Variants in FGF2 observed in about 807,000 individuals in gnomAD.
FGF2 encodes the protein fibroblast growth factor 2, also known as basic fibroblast growth factor bFGF.
A neutral mutation model predicts 15.9 loss-of-function variants in FGF2; 13 were observed. That is an observed-to-expected ratio of 0.82 (90% CI 0.53 to 1.30). The LOEUF (loss-of-function observed/expected upper bound fraction) is 1.30. Among genes scored for constraint, FGF2 ranks in the 50% most tolerant of loss-of-function variants. The pLI, the probability that FGF2 is intolerant of heterozygous loss-of-function variation, is 0.00. For missense variants in FGF2, 163 were observed against 196.9 expected, an observed-to-expected ratio of 0.83 and a Z score of 1.03; for synonymous variants, 90 against 78.4, an observed-to-expected ratio of 1.15 and a Z score of -0.78.
chr4:122,846,035 C>T (rs904184334), intron 1 of FGF2, among the ~76,000 whole-genome samples: 1 of 152,186 alleles, frequency 6.6e-6, no homozygotes, highest in Non-Finnish European at 1.5e-5. Context: ...CACTTGAACA[C>T]TGAGAGGCCA....
At chr4:122,887,184 C>T (rs1482165074) in intron 2 of FGF2, among the ~76,000 whole-genome samples, 9 of 152,050 alleles carry the variant, frequency 5.9e-5, no homozygotes, top group South Asian at 2.1e-4. Context: ...TGTGGTGGTG[C>T]GCACCTGTAA....
intron 1 of FGF2, among the ~76,000 whole-genome samples, chr4:122,847,033 G>A (rs745926778): frequency 2.3e-4 from 35 of 152,166 alleles, no homozygotes; most frequent in Admixed American, 1.0e-3. Context: ...CTGCCCCTTG[G>A]CTTATTTCTT....
chr4:122,829,243 TCTTA>T (rs1387499565), intron 1 of FGF2, among the ~76,000 whole-genome samples: 3 of 152,210 alleles, frequency 2.0e-5, no homozygotes, highest in African/African-American at 7.2e-5. Context: ...ATTTTTGTAA[TCTTA>T]CTTTAACTCT....
intron 1 of FGF2, among the ~76,000 whole-genome samples, chr4:122,868,588 C>T (rs531622840): frequency 3.3e-5 from 5 of 152,132 alleles, no homozygotes; most frequent in Non-Finnish European, 7.4e-5. Flanking sequence ...CACACATGTG[C>T]ATGTGTCTTT....
intron 1 of FGF2, among the ~76,000 whole-genome samples, chr4:122,836,054 G>A (rs1725859606): frequency 6.6e-6 from 1 of 152,126 alleles, no homozygotes. Flanking sequence ...GAGAATTAAT[G>A]GTTTTTACTG....
intron 1 of FGF2, among the ~76,000 whole-genome samples, chr4:122,851,654 T>C (rs760834465): frequency 1.2e-4 from 19 of 152,240 alleles, no homozygotes; most frequent in Non-Finnish European, 2.2e-4. Context: ...ATTGATTTCT[T>C]AGCTAGAATG....
At chr4:122,862,247 C>A (rs771912888) in intron 1 of FGF2, among the ~76,000 whole-genome samples, 1 of 152,176 alleles carries the variant, frequency 6.6e-6, no homozygotes, top group Non-Finnish European at 1.5e-5. Context: ...CATATTCTTT[C>A]ACCAGGGACA....
intron 1 of FGF2, among the ~76,000 whole-genome samples, chr4:122,869,894 AG>A (rs1726694684): frequency 6.6e-6 from 1 of 152,132 alleles, no homozygotes; most frequent in Non-Finnish European, 1.5e-5. Context: ...GTGGTGAGAG[AG>A]GCATCCTTGC....
At chr4:122,850,617 G>GA (rs1222551259) in intron 1 of FGF2, among the ~76,000 whole-genome samples, 1 of 151,916 alleles carries the variant, frequency 6.6e-6, no homozygotes, top group Admixed American at 6.6e-5. Flanking sequence ...GGAAGAAAGA[G>GA]AAAAAAACAA....
intron 1 of FGF2, among the ~76,000 whole-genome samples, chr4:122,857,800 G>A (rs1007530196): frequency 2.6e-5 from 4 of 152,190 alleles, no homozygotes; most frequent in African/African-American, 9.6e-5. Context: ...GTATGGCTTA[G>A]AAGTAAAATT....
rs769196837 is a variant in FGF2, at chr4:122,892,861, T to C, written c.*465T>C. ...TTCCTTTCATAGTTTTATAATTCTC[T>C]GGCAGTTCCTTATGATAGAGTTTAT... On this transcript the variant is annotated 3_prime_UTR_variant, in exon 3 of 3. Coordinates refer to ENST00000644866, the MANE Select transcript of FGF2 (RefSeq NM_001361665.2). 1.9e-6 allele frequency: 3 copies of C among 1,607,962 alleles called. No individual in the cohort carries two copies. Among genetic ancestry groups the C allele is most frequent in the Admixed American group, 3.4e-5 (2 of 59,368 alleles).
At chr4:122,872,916 A>G (rs549795083) in intron 1 of FGF2, among the ~76,000 whole-genome samples, 1 of 152,356 alleles carries the variant, frequency 6.6e-6, no homozygotes, top group East Asian at 1.9e-4. Flanking sequence ...AGTCACTGCA[A>G]AAAACACACC....
At chr4:122,866,904 G>A (rs182564512) in intron 1 of FGF2, among the ~76,000 whole-genome samples, 6 of 152,274 alleles carry the variant, frequency 3.9e-5, no homozygotes, top group African/African-American at 9.6e-5. Flanking sequence ...CGTTATTTAC[G>A]TAGCCAAAAA....
intron 2 of FGF2, among the ~76,000 whole-genome samples, chr4:122,878,904 G>T (rs942403446): frequency 2.6e-5 from 4 of 152,168 alleles, no homozygotes; most frequent in African/African-American, 9.7e-5. Flanking sequence ...CAAGGTTTGG[G>T]AAAAGGTAGT....
At chr4:122,841,448 A>G (rs917700588) in intron 1 of FGF2, among the ~76,000 whole-genome samples, 5 of 152,236 alleles carry the variant, frequency 3.3e-5, no homozygotes, top group African/African-American at 9.6e-5. Flanking sequence ...CAGAAACTGT[A>G]TAATATTGTC....
At chr4:122,855,964 A>G (rs1306227515) in intron 1 of FGF2, among the ~76,000 whole-genome samples, 1 of 152,142 alleles carries the variant, frequency 6.6e-6, no homozygotes, top group Non-Finnish European at 1.5e-5. Context: ...TTACTCAGAG[A>G]CTATGAAGAA....
At chr4:122,867,063 G>A (rs549260671) in intron 1 of FGF2, among the ~76,000 whole-genome samples, 3 of 152,212 alleles carry the variant, frequency 2.0e-5, no homozygotes, top group Non-Finnish European at 4.4e-5. Flanking sequence ...CTGAGTGAAA[G>A]AGGCAGTCAC....
chr4:122,831,935 A>C (rs1725773235), intron 1 of FGF2, among the ~76,000 whole-genome samples: 1 of 152,240 alleles, frequency 6.6e-6, no homozygotes, highest in South Asian at 2.1e-4. Context: ...CGGTTCTTTA[A>C]ATATCATAAG....
chr4:122,892,799 T>C lies in FGF2; in HGVS notation c.*403T>C, dbSNP rs1472942037. 9 of 1,525,698 alleles carry C rather than the reference T, an allele frequency of 5.9e-6. No individual in the cohort carries two copies. Among genetic ancestry groups the C allele is most frequent in the African/African-American group, 1.4e-5 (1 of 72,404 alleles). The allele number at this position is 1,525,698 out of a possible 1,614,324, so 94.5% of individuals were successfully genotyped here. A position where few individuals can be genotyped will look rare whatever the true frequency, so the allele number is the denominator to read the frequency against. On this transcript the variant is annotated 3_prime_UTR_variant, in exon 3 of 3. Coordinates refer to ENST00000644866, the MANE Select transcript of FGF2 (RefSeq NM_001361665.2). Reference sequence around the variant, plus strand: ...CTATTTCTTATGTCATTCGTTAGTCTACATGTTTCTAAACATATAAATGTG... The same window carrying C: ...CTATTTCTTATGTCATTCGTTAGTCCACATGTTTCTAAACATATAAATGTG...
Sources: gnomAD v4.1 joint callset for allele counts (sites outside exome capture counted in the v4.1 genomes callset) on GRCh38, gnomAD v4.1.1 for gene constraint, MANE v1.5 for transcripts, NCBI Gene and HGNC (gene_info 2026-07-23, HGNC 2026-07-21) for gene names.